Variants in RDX observed in about 807,000 individuals in gnomAD.
RDX encodes the protein deafness, autosomal recessive 24.
A neutral mutation model predicts 83.7 loss-of-function variants in RDX; 32 were observed. The ratio of observed to expected loss-of-function variants is 0.38; its 90% confidence interval spans 0.29 to 0.51. The LOEUF (loss-of-function observed/expected upper bound fraction) is 0.51, where lower values mean the gene tolerates loss of function less well. RDX is among the 20% of genes least tolerant of loss of function. The pLI is 0.87. For synonymous variants in RDX, 229 were observed against 222.7 expected (o/e 1.03, Z -0.25); for missense variants, 600 against 689.9 (o/e 0.87, Z 1.46).
At chr11:110,210,934 T>A (rs532576942) in intron 14 of RDX, among the ~76,000 whole-genome samples, 1 of 151,156 alleles carries the variant, frequency 6.6e-6, no homozygotes, top group South Asian at 2.1e-4. Flanking sequence ...CTGCATCAAC[T>A]AACGAGCAAA....
At chr11:110,261,392 G>C (rs1859799172) in intron 5 of RDX, among the ~76,000 whole-genome samples, 1 of 152,172 alleles carries the variant, frequency 6.6e-6, no homozygotes, top group South Asian at 2.1e-4. Flanking sequence ...TATACCACAA[G>C]AGCTAAACTT....
At chr11:110,201,223 C>A (rs1237298079) in intron 14 of RDX, among the ~76,000 whole-genome samples, 4 of 150,074 alleles carry the variant, frequency 2.7e-5, no homozygotes, top group Non-Finnish European at 5.9e-5. Flanking sequence ...AAATGTATAG[C>A]TGTAGTTTTT....
chr11:110,232,515 T>G (rs571146868), intron 13 of RDX, among the ~76,000 whole-genome samples: 1 of 152,144 alleles, frequency 6.6e-6, no homozygotes, highest in South Asian at 2.1e-4. Flanking sequence ...GTTATGTCCA[T>G]GTAATATACT....
At chr11:110,179,593 C>G (rs943964025) in intron 15 of RDX, among the ~76,000 whole-genome samples, 2 of 152,046 alleles carry the variant, frequency 1.3e-5, no homozygotes, top group Non-Finnish European at 2.9e-5. Context: ...GTCAACATGG[C>G]AAAACCCTGT....
At chr11:110,251,080 TA>T (rs1565315221) in intron 9 of RDX, among the ~76,000 whole-genome samples, 2 of 152,228 alleles carry the variant, frequency 1.3e-5, no homozygotes, top group African/African-American at 4.8e-5. Flanking sequence ...TTGCTCTCTC[TA>T]ACCTTCAAGC....
intron 9 of RDX, among the ~76,000 whole-genome samples, chr11:110,249,288 T>C (rs1428491220): frequency 1.3e-5 from 2 of 152,180 alleles, no homozygotes; most frequent in East Asian, 3.8e-4. Context: ...TACTGTCAAT[T>C]CTGAATTTCA....
chr11:110,294,894 T>C (rs552498012), intron 1 of RDX, among the ~76,000 whole-genome samples: 1 of 152,342 alleles, frequency 6.6e-6, no homozygotes, highest in East Asian at 1.9e-4. Context: ...GTTTTTTCAA[T>C]GCCACAATCA....
At chr11:110,295,342 A>G (rs887593063) in intron 1 of RDX, among the ~76,000 whole-genome samples, 2 of 149,976 alleles carry the variant, frequency 1.3e-5, no homozygotes, top group African/African-American at 4.9e-5. Flanking sequence ...TATGCTCCTT[A>G]AACAATAGAT....
chr11:110,294,656 C>T (rs1861374503), intron 1 of RDX, among the ~76,000 whole-genome samples: 1 of 152,064 alleles, frequency 6.6e-6, no homozygotes, highest in African/African-American at 2.4e-5. Context: ...ACAGCAAAGT[C>T]TGTCATTTCT....
At position 110,279,730 on chromosome 11, in the gene RDX, C is replaced by G. The variant is rs1397014967; in HGVS notation, c.-38G>C. 7.2e-7 allele frequency: 1 copy of G among 1,395,528 alleles called. No individual in the cohort carries two copies. Among genetic ancestry groups the G allele is most frequent in the Non-Finnish European group, 1.0e-6 (1 of 987,028 alleles). The allele number at this position is 1,395,528 out of a possible 1,614,324, so 86.4% of individuals were successfully genotyped here. The stretch of plus-strand genomic sequence containing the variant: ...TTTGTTACCTTCTTTAAAAATTCTC[C>G]ACTTCAATGAATTCTGTTATCACTT... On this transcript the variant is annotated 5_prime_UTR_variant, in exon 2 of 14. Transcript: ENST00000645495.
At chr11:110,289,071 T>G (rs958039156) in intron 1 of RDX, among the ~76,000 whole-genome samples, 5 of 151,834 alleles carry the variant, frequency 3.3e-5, no homozygotes, top group Admixed American at 1.3e-4. Context: ...AACCCCCATC[T>G]CTACCAAAAA....
intron 5 of RDX, among the ~76,000 whole-genome samples, chr11:110,262,176 C>T (rs925400633): frequency 6.6e-6 from 1 of 152,128 alleles, no homozygotes; most frequent in Non-Finnish European, 1.5e-5. Context: ...TATAAACAGA[C>T]TATCAGATAT....
At chr11:110,273,699 G>A (rs1405832398) in intron 2 of RDX, among the ~76,000 whole-genome samples, 1 of 152,148 alleles carries the variant, frequency 6.6e-6, no homozygotes, top group Non-Finnish European at 1.5e-5. Flanking sequence ...TTCTTCACAT[G>A]ATCCAAATAT....
At chr11:110,209,459 G>A (rs1003728498) in intron 14 of RDX, among the ~76,000 whole-genome samples, 55 of 152,188 alleles carry the variant, frequency 3.6e-4, no homozygotes, top group African/African-American at 1.2e-3. Flanking sequence ...CAAAGCAGCC[G>A]GGAAGCTCGA....
chr11:110,244,964 GTTTTTT>G (rs200267779), intron 10 of RDX, among the ~76,000 whole-genome samples: 1 of 136,312 alleles, frequency 7.3e-6, no homozygotes. Context: ...GTACTTCAAA[GTTTTTT>G]TTTTTTTTTT....
intron 15 of RDX, among the ~76,000 whole-genome samples, chr11:110,190,797 A>T (rs1482351988): frequency 1.3e-5 from 2 of 152,258 alleles, no homozygotes; most frequent in African/African-American, 4.8e-5. Context: ...AGATCTTCAG[A>T]GACTATTATC....
downstream of RDX, among the ~76,000 whole-genome samples, chr11:110,228,013 G>A (rs1211527310): frequency 6.6e-6 from 1 of 152,086 alleles, no homozygotes; most frequent in East Asian, 1.9e-4. Flanking sequence ...AAATCTGAGT[G>A]TCTACTACCC....
intron 14 of RDX, among the ~76,000 whole-genome samples, chr11:110,219,715 G>A (rs1227511348): frequency 6.6e-6 from 1 of 152,168 alleles, no homozygotes; most frequent in Non-Finnish European, 1.5e-5. Context: ...CAACTGAGAA[G>A]GGGAAGACTG....
intron 7 of RDX, among the ~76,000 whole-genome samples, chr11:110,256,429 TGCTAC>T (rs1180649521): frequency 6.6e-6 from 1 of 152,220 alleles, no homozygotes; most frequent in Non-Finnish European, 1.5e-5. Flanking sequence ...GAGAACACTA[TGCTAC>T]GTTTATATGC....
Sources: gnomAD v4.1 joint callset for allele counts (sites outside exome capture counted in the v4.1 genomes callset) on GRCh38, gnomAD v4.1.1 for gene constraint, MANE v1.5 for transcripts, NCBI Gene and HGNC (gene_info 2026-07-23, HGNC 2026-07-21) for gene names.